The following ROPN1B variants were observed in gnomAD, a reference collection of about 807,000 sequenced individuals.
ROPN1B encodes the protein ropporin-1B.
Under a neutral mutation model 23.7 loss-of-function variants are expected in ROPN1B, and 13 were observed. The ratio of observed to expected loss-of-function variants is 0.55; its 90% CI spans 0.36 to 0.87. The LOEUF (loss-of-function observed/expected upper bound fraction) is 0.87. ROPN1B is among the 40% of genes least tolerant of loss of function. The pLI is 0.01. For synonymous variants in ROPN1B, 67 were observed against 100.4 expected (o/e 0.67, Z 1.99); for missense variants, 183 against 249.2 (o/e 0.73, Z 1.79).
intron 2 of ROPN1B, 42 bp from the exon 3 acceptor site, chr3:125,972,001 A>T: frequency 6.3e-7 from 1 of 1,581,218 alleles, no homozygotes; most frequent in South Asian, 1.2e-5. Context: ...TCATCTTATG[A>T]GTCCAAGTTT....
chr3:125,978,620 T>C (rs1035018422), intron 5 of ROPN1B, among the ~76,000 whole-genome samples: 1 of 152,222 alleles, frequency 6.6e-6, no homozygotes, highest in Non-Finnish European at 1.5e-5. Context: ...TCCATGGTAA[T>C]GCCTATCTGT....
intron 5 of ROPN1B, among the ~76,000 whole-genome samples, chr3:125,981,639 T>C (rs975893446): frequency 3.3e-5 from 5 of 152,242 alleles, no homozygotes; most frequent in Admixed American, 3.3e-4. Context: ...GTAACCCTTC[T>C]GTTAAAATTC....
At chr3:125,983,152 G>A in intron 6 of ROPN1B, 102 bp from the exon 7 acceptor site, 8 of 850,288 alleles carry the variant, frequency 9.4e-6, no homozygotes, top group African/African-American at 1.7e-5. Flanking sequence ...AGAGAAAAAG[G>A]AGCAACAGCA....
At chr3:125,978,836 C>A (rs1938513749) in intron 5 of ROPN1B, among the ~76,000 whole-genome samples, 2 of 152,106 alleles carry the variant, frequency 1.3e-5, no homozygotes, top group African/African-American at 4.8e-5. Flanking sequence ...CTGAGCCCTT[C>A]CCTTATCCCC....
chr3:125,975,582 C>T lies in ROPN1B; in HGVS notation c.136C>T (p.Arg46Cys), dbSNP rs200921722. 48 of 1,613,938 alleles carry T rather than the reference C, an allele frequency of 3.0e-5. No individual in the cohort carries two copies. Among genetic ancestry groups the T allele is most frequent in the Middle Eastern group, 3.3e-4 (2 of 6,060 alleles). ...TTGTAGTTATTTTGAGGCCCTGTCC[C>T]GTGGAGAGACGCCTCCGGTGAGAGA... Reference protein sequence around the residue: ...WGADYFEALSRGETPPVRERS... With the variant: ...WGADYFEALSCGETPPVRERS... Residue 46 changes from arginine to cysteine, a missense_variant, in exon 4 of 7, where the codon CGT becomes TGT. Physicochemically the swap from Arg to Cys is radical, Grantham distance 180 (BLOSUM62 -3). This residue lies in a region of ROPN1B where 97 missense variants were observed against 99.6 expected (regional missense o/e 0.97). Transcript: ENST00000514116.
In ROPN1B at chr3:125,975,548, C is replaced by A. The variant is rs762538383; in HGVS notation, c.117-15C>A. The A allele has an allele frequency of 1.2e-6, 2 of 1,603,768 alleles. No homozygotes were observed. Among genetic ancestry groups the A allele is most frequent in the East Asian group, 2.2e-5 (1 of 44,782 alleles). ...TGTATAGGATCCTCCTACTCTCTGA[C>A]TTTTTTTCTTGTAGTTATTTTGAGG... On this transcript the variant is annotated splice_polypyrimidine_tract_variant and intron_variant, in intron 3 of 6. Coordinates refer to ENST00000514116, the MANE Select transcript of ROPN1B (RefSeq NM_001308313.2).
At chr3:125,982,823 G>A (rs1938654189) in intron 6 of ROPN1B, among the ~76,000 whole-genome samples, 1 of 152,152 alleles carries the variant, frequency 6.6e-6, no homozygotes, top group South Asian at 2.1e-4. Context: ...TGGAACAGAA[G>A]TGGAGGAGGA....
At chr3:125,982,501 G>A (rs1938643777) in intron 6 of ROPN1B, 56 bp downstream of exon 6, 1 of 1,441,920 alleles carries the variant, frequency 6.9e-7, no homozygotes, top group Non-Finnish European at 9.4e-7. Flanking sequence ...CAAATCTATG[G>A]GGCCAAGACA....
chr3:125,980,529 GCTCT>G (rs1296031200), intron 5 of ROPN1B, among the ~76,000 whole-genome samples: 31 of 152,102 alleles, frequency 2.0e-4, no homozygotes, highest in Non-Finnish European at 1.9e-4. Context: ...ATGTCTGGTG[GCTCT>G]CTCTATGTCC....
intron 3 of ROPN1B, chr3:125,972,792 C>T (rs1938264710): frequency 2.7e-6 from 1 of 377,068 alleles, no homozygotes; most frequent in East Asian, 7.2e-5. Flanking sequence ...GATGTCCTCA[C>T]AGTACACACT....
chr3:125,974,498 G>A (rs1172226318), intron 3 of ROPN1B, among the ~76,000 whole-genome samples: 1 of 152,120 alleles, frequency 6.6e-6, no homozygotes, highest in African/African-American at 2.4e-5. Flanking sequence ...CATACTACCT[G>A]GATCTGGAGG....
chr3:125,971,048 G>T (rs1395917050), intron 1 of ROPN1B, 69 bp from the exon 2 acceptor site: 2 of 153,634 alleles, frequency 1.3e-5, no homozygotes. Context: ...TAGGTCAGAA[G>T]GGGAGTCCTT....
At chr3:125,977,816 TACATTGTTAA>T (rs1225712655) in intron 5 of ROPN1B, 6 of 152,908 alleles carry the variant, frequency 3.9e-5, no homozygotes, top group Non-Finnish European at 8.8e-5. Flanking sequence ...TATGTGGACT[TACATTGTTAA>T]ACATTGTTAA....
At chr3:125,983,105 C>A in intron 6 of ROPN1B, 149 bp from the exon 7 acceptor site, 1 of 621,020 alleles carries the variant, frequency 1.6e-6, no homozygotes, top group East Asian at 2.9e-5. Flanking sequence ...CCAGCCTGGA[C>A]GACAGAGCCA....
At chr3:125,980,460 G>A (rs1237335739) in intron 5 of ROPN1B, among the ~76,000 whole-genome samples, 1 of 152,170 alleles carries the variant, frequency 6.6e-6, no homozygotes, top group Non-Finnish European at 1.5e-5. Flanking sequence ...TTTCTTCTGA[G>A]ACGTTTCTCC....
chr3:125,972,168 C>G lies in ROPN1B; in HGVS notation c.114C>G (p.Ala38=). The G allele has an allele frequency of 6.2e-7, 1 of 1,614,066 alleles. No homozygotes were observed. Among genetic ancestry groups the G allele is most frequent in the Non-Finnish European group, 8.5e-7 (1 of 1,179,964 alleles). ...AQPQDLIQWG[A]DYFEALSRGE... is the part of the protein sequence containing the mutation. ...CGCAGGACCTCATCCAGTGGGGGGCCGAGTACGTGCTCCTTTCTCGCCTTC... is the reference window on the plus strand; with the variant it reads ...CGCAGGACCTCATCCAGTGGGGGGCGGAGTACGTGCTCCTTTCTCGCCTTC... The change falls in exon 3 of 7, where the codon GCC becomes GCG. Residue 38 remains alanine (A), a splice_region_variant and synonymous_variant. Transcript: ENST00000514116.
At chr3:125,980,062 ATTTCAAGGC>A (rs985924388) in intron 5 of ROPN1B, among the ~76,000 whole-genome samples, 1 of 152,212 alleles carries the variant, frequency 6.6e-6, no homozygotes, top group Non-Finnish European at 1.5e-5. Flanking sequence ...AATTATTCAC[ATTTCAAGGC>A]TTTCACCTCT....
intron 3 of ROPN1B, chr3:125,972,591 G>C (rs138114087): frequency 0.034 from 12,357 of 366,844 alleles, 259 homozygotes; most frequent in African/African-American, 0.053. Context: ...AGTGCAGCCG[G>C]GGGAGGGAAG....
chr3:125,974,174 G>C (rs929966677), intron 3 of ROPN1B, among the ~76,000 whole-genome samples: 20 of 152,240 alleles, frequency 1.3e-4, no homozygotes, highest in Middle Eastern at 6.8e-3. Context: ...GTGTGTCTCT[G>C]TCCCTCCCAT....
Sources: gnomAD v4.1 joint callset for allele counts (sites outside exome capture counted in the v4.1 genomes callset) on GRCh38, gnomAD v4.1.1 for gene constraint, gnomAD v4.1.1 regional missense constraint, MANE v1.5 for transcripts, NCBI Gene and HGNC (gene_info 2026-07-23, HGNC 2026-07-21) for gene names.